Variants in SHANK2 observed in about 807,000 individuals in gnomAD.
The protein encoded by SHANK2 is SH3 and multiple ankyrin repeat domains 2.
A neutral mutation model predicts 133.7 loss-of-function variants in SHANK2; 43 were observed. The ratio of observed to expected loss-of-function variants is 0.32; its 90% CI spans 0.25 to 0.41. SHANK2 has a LOEUF of 0.41. SHANK2 is among the 10% of genes least tolerant of loss of function. The pLI is 1.00. For synonymous variants in SHANK2, 1,017 were observed against 952.8 expected (o/e 1.07, Z -1.24); for missense variants, 1,994 against 2,235.8 (o/e 0.89, Z 2.18).
intron 11 of SHANK2, among the ~76,000 whole-genome samples, chr11:70,884,338 A>C (rs1385026483): frequency 6.6e-6 from 1 of 152,226 alleles, no homozygotes; most frequent in Non-Finnish European, 1.5e-5. Context: ...GACAAATGCA[A>C]AATCTGTTTA....
At chr11:71,165,398 C>A (rs1555110649) in intron 2 of SHANK2, among the ~76,000 whole-genome samples, 2 of 152,154 alleles carry the variant, frequency 1.3e-5, no homozygotes, top group African/African-American at 4.8e-5. Context: ...TTGCGCTAAC[C>A]TCATGGCGAG....
rs542313017 is a variant in SHANK2, at chr11:70,718,896, C to A, written c.1778-20133G>T. On this transcript the variant is annotated intron_variant, in intron 14 of 25. Transcript: ENST00000601538. The stretch of plus-strand genomic sequence containing the variant: ...GCAGCCTGGACTGAATCCCACTTTG[C>A]CGGTCACTGGCGCTATGAGCTTGGG... 7.2e-5 allele frequency among the ~76,000 whole-genome samples: 11 copies of A among 152,266 alleles called. No individual in the cohort carries two copies. The East Asian group carries it at 2.1e-3, about 29-fold the overall frequency.
At chr11:71,171,331 G>A (rs1416802674) in intron 2 of SHANK2, among the ~76,000 whole-genome samples, 11 of 152,164 alleles carry the variant, frequency 7.2e-5, no homozygotes, top group Admixed American at 5.9e-4. Flanking sequence ...CTAAGCCTCA[G>A]AACCAGAGAA....
chr11:71,176,362 G>A (rs1315266731), intron 2 of SHANK2, among the ~76,000 whole-genome samples: 9 of 152,042 alleles, frequency 5.9e-5, no homozygotes, highest in Admixed American at 5.9e-4. Context: ...ATAAAACAAT[G>A]AAAAATTATC....
At chr11:70,868,885 G>A (rs540706824) in intron 11 of SHANK2, among the ~76,000 whole-genome samples, 1 of 152,344 alleles carries the variant, frequency 6.6e-6, no homozygotes, top group East Asian at 1.9e-4. Context: ...GCAGTTAGAA[G>A]CCACATCCAG....
intron 17 of SHANK2, among the ~76,000 whole-genome samples, chr11:70,523,894 C>T (rs1554971598): frequency 6.6e-6 from 1 of 152,172 alleles, no homozygotes; most frequent in Admixed American, 6.5e-5. Flanking sequence ...CAGCTGTCCT[C>T]CCTCCCCTGT....
intron 2 of SHANK2, among the ~76,000 whole-genome samples, chr11:71,216,162 C>T (rs996682001): frequency 6.6e-6 from 1 of 152,148 alleles, no homozygotes; most frequent in Non-Finnish European, 1.5e-5. Flanking sequence ...CACACAAAAG[C>T]CTGTACAAGA....
At chr11:70,780,576 A>AT (rs35733465) in intron 14 of SHANK2, among the ~76,000 whole-genome samples, 128,185 of 140,912 alleles carry the variant, frequency 0.91, 58,652 homozygotes, top group East Asian at 0.98. Flanking sequence ...CTGGTAATGC[A>AT]TTTTTTTTTT....
intron 14 of SHANK2, among the ~76,000 whole-genome samples, chr11:70,735,733 G>A (rs1555033387): frequency 6.6e-6 from 1 of 151,520 alleles, no homozygotes; most frequent in Non-Finnish European, 1.5e-5. Flanking sequence ...TGCAGAGGGA[G>A]GGAAGTGGGA....
intron 12 of SHANK2, among the ~76,000 whole-genome samples, chr11:70,815,066 C>T (rs1555053966): frequency 2.0e-5 from 3 of 152,166 alleles, no homozygotes; most frequent in Admixed American, 2.0e-4. Flanking sequence ...CACCAGAGGG[C>T]GCCCCCAGGG....
At chr11:70,934,319 G>A (rs1039942043) in intron 10 of SHANK2, among the ~76,000 whole-genome samples, 2 of 149,500 alleles carry the variant, frequency 1.3e-5, no homozygotes, top group African/African-American at 2.5e-5. Context: ...ACTTCCTGCC[G>A]CACACTCAGG....
At chr11:70,583,571 T>C (rs2060210910) in intron 17 of SHANK2, among the ~76,000 whole-genome samples, 1 of 152,162 alleles carries the variant, frequency 6.6e-6, no homozygotes, top group African/African-American at 2.4e-5. Context: ...AAAGCGCAGC[T>C]AAATGCCAGC....
At chr11:70,680,779 T>G (rs1424564078) in intron 15 of SHANK2, among the ~76,000 whole-genome samples, 1 of 152,164 alleles carries the variant, frequency 6.6e-6, no homozygotes, top group Admixed American at 6.5e-5. Context: ...GGCTTTAATA[T>G]GGAGTGGGGG....
At chr11:70,492,787 GTTTTTTTTTT>G (rs34452642) in intron 21 of SHANK2, among the ~76,000 whole-genome samples, 10 of 70,594 alleles carry the variant, frequency 1.4e-4, no homozygotes, top group African/African-American at 4.7e-4. Context: ...ACATTTCTGT[GTTTTTTTTTT>G]TTTTTTTTTT....
At chr11:70,789,613 G>T (rs1434002865) in intron 14 of SHANK2, among the ~76,000 whole-genome samples, 2 of 152,208 alleles carry the variant, frequency 1.3e-5, no homozygotes, top group Non-Finnish European at 2.9e-5. Context: ...ACTCCAACAG[G>T]CTCTGGTGGT....
intron 21 of SHANK2, among the ~76,000 whole-genome samples, chr11:70,496,029 G>C (rs1384244918): frequency 1.3e-5 from 2 of 152,210 alleles, no homozygotes; most frequent in Non-Finnish European, 2.9e-5. Context: ...AGCTGGGGCT[G>C]AATAGCGGAG....
At chr11:70,599,867 GAAAGAAAGAAAGAAAGAAAGAAAA>G in intron 17 of SHANK2, among the ~76,000 whole-genome samples, 1 of 65,226 alleles carries the variant, frequency 1.5e-5, no homozygotes, top group Non-Finnish European at 3.2e-5. Flanking sequence ...GAAATAAAAA[GAAAGAAAGAAAGAAAGAAAGAAAA>G]AGAAAGAAAG....
At chr11:70,855,897 G>T (rs1421448041) in intron 11 of SHANK2, among the ~76,000 whole-genome samples, 1 of 152,184 alleles carries the variant, frequency 6.6e-6, no homozygotes, top group African/African-American at 2.4e-5. Flanking sequence ...ATAGATGGAT[G>T]AATGAATGGA....
chr11:71,113,326 G>T lies in SHANK2; in HGVS notation c.450C>A (p.Leu150=). ...GGAGCTTGGCCAACTGTTTCTCATC[G>T]AGACTGGCTTGTTTATACACCCGCT... is the stretch of plus-strand genomic sequence containing the variant. The part of the protein sequence containing the change: ...YKKRVYKQAS[L]DEKQLAKLHT... Residue 150 remains leucine, a synonymous_variant, in exon 5 of 26, where the codon CTC becomes CTA. Coordinates refer to ENST00000601538, the MANE Select transcript of SHANK2 (RefSeq NM_012309.5). 6 of 1,551,626 alleles carry T rather than the reference G, an allele frequency of 3.9e-6. No homozygotes were observed. The highest frequency in any genetic ancestry group is 4.4e-6 in the Non-Finnish European group (5 of 1,146,980).
Sources: allele counts gnomAD v4.1 joint callset (sites outside exome capture counted in the v4.1 genomes callset), GRCh38; gene constraint gnomAD v4.1.1; transcripts MANE v1.5; gene names NCBI Gene and HGNC (gene_info 2026-07-23, HGNC 2026-07-21).